PAX3: variants seen among roughly 807,000 people sequenced by gnomAD.
PAX3 encodes the protein paired box 3, also known as paired box protein Pax-3.
In PAX3, 14 loss-of-function variants were observed where a neutral mutation model predicts 51.6. That is an observed-to-expected ratio of 0.27 (90% confidence interval 0.18 to 0.42). PAX3 has a LOEUF of 0.42. Ranked by LOEUF, PAX3 falls within the 10% of genes least tolerant of loss-of-function variation. The pLI, the probability that PAX3 is intolerant of heterozygous loss-of-function variation, is 1.00. For missense variants in PAX3, 540 were observed against 642.8 expected (o/e 0.84, Z 1.73); for synonymous variants, 280 against 253.4 (o/e 1.11, Z -1.00).
intron 4 of PAX3, among the ~76,000 whole-genome samples, chr2:222,236,359 G>C (rs1692797553): frequency 6.6e-6 from 1 of 152,064 alleles, no homozygotes; most frequent in Admixed American, 6.6e-5. Flanking sequence ...CTCCCAAATA[G>C]CTGGGACTAC....
intron 4 of PAX3, chr2:222,264,669 A>AG (rs1328400119): frequency 6.6e-6 from 1 of 152,242 alleles, no homozygotes; most frequent in African/African-American, 2.4e-5. Context: ...CTCCATGCTT[A>AG]GATTACCTCC....
At chr2:222,231,468 A>C (rs1297809616) in intron 5 of PAX3, among the ~76,000 whole-genome samples, 1 of 152,220 alleles carries the variant, frequency 6.6e-6, no homozygotes, top group Non-Finnish European at 1.5e-5. Context: ...ATAATTCAAC[A>C]TGTTCTTTAA....
chr2:222,235,450 C>T (rs78370806), intron 4 of PAX3, among the ~76,000 whole-genome samples: 17,606 of 152,258 alleles, frequency 0.12, 1,185 homozygotes, highest in Middle Eastern at 0.15. Flanking sequence ...CATCTCCCAA[C>T]ATCTATTCAG....
At position 222,298,571 on chromosome 2, in the gene PAX3, G is replaced by C; in HGVS notation, c.45C>G (p.Gly15=). ...AGAVPRMMRP[G]PGQNYPRSGF... Reference sequence around the variant, plus strand: ...CGCTACGCGGGTAGTTCTGCCCCGGGCCCGGCCGCATCATCCTGGGCACAG... The same window carrying C: ...CGCTACGCGGGTAGTTCTGCCCCGGCCCCGGCCGCATCATCCTGGGCACAG... Residue 15 remains glycine (G), a synonymous_variant, in exon 1 of 9, where the codon GGC becomes GGG. Coordinates refer to ENST00000392070, the MANE Select transcript of PAX3 (RefSeq NM_181458.4). 1 of 1,608,172 alleles carries C rather than the reference G, an allele frequency of 6.2e-7. No homozygotes were observed. Among genetic ancestry groups the C allele is most frequent in the South Asian group, 1.1e-5 (1 of 90,046 alleles).
At chr2:222,270,450 T>A (rs778658593) in intron 4 of PAX3, among the ~76,000 whole-genome samples, 4 of 152,220 alleles carry the variant, frequency 2.6e-5, no homozygotes, top group Non-Finnish European at 5.9e-5. Flanking sequence ...TTGCCAATTT[T>A]GCATTCGTGC....
chr2:222,216,139 T>G (rs116192043), intron 7 of PAX3, among the ~76,000 whole-genome samples: 10 of 152,152 alleles, frequency 6.6e-5, no homozygotes, highest in African/African-American at 2.2e-4. Context: ...GGGCAGCCCT[T>G]GGGAAATTTC....
rs71053057 is a variant in PAX3, at chr2:222,203,012, CATATATATATAT to C, written c.1174-834_1174-823del. ...TTATTTCTTCTCTAAACAACCATTT[CATATATATATAT>C]ATATATATATATATATATATATATA... On this transcript the variant is annotated intron_variant, in intron 7 of 8. Transcript: ENST00000392070. Among the ~76,000 whole-genome samples, 155 of 41,188 alleles carry C rather than the reference CATATATATATAT, an allele frequency of 3.8e-3. 1 individual carries two copies. Among genetic ancestry groups the C allele is most frequent in the South Asian group, 0.025 (12 of 478 alleles). The allele number at this position is 41,188 out of a possible 152,430, so 27.0% of individuals were successfully genotyped here.
chr2:222,226,286 C>T (rs1187040513), intron 5 of PAX3, among the ~76,000 whole-genome samples: 1 of 152,150 alleles, frequency 6.6e-6, no homozygotes, highest in Non-Finnish European at 1.5e-5. Flanking sequence ...TGCTCATTTC[C>T]CTGGACCTTC....
chr2:222,237,830 T>C (rs1463463846), intron 4 of PAX3, among the ~76,000 whole-genome samples: 1 of 152,184 alleles, frequency 6.6e-6, no homozygotes, highest in African/African-American at 2.4e-5. Context: ...TTACAATGAA[T>C]GTAATAAAAA....
chr2:222,294,380 C>T, intron 3 of PAX3, 79 bp from the exon 4 acceptor site: 7 of 1,529,910 alleles, frequency 4.6e-6, no homozygotes, highest in Non-Finnish European at 6.3e-6. Context: ...GACCCCCCAC[C>T]CCCAAACACC....
At chr2:222,276,637 A>G (rs921249033) in intron 4 of PAX3, among the ~76,000 whole-genome samples, 1 of 152,220 alleles carries the variant, frequency 6.6e-6, no homozygotes, top group Non-Finnish European at 1.5e-5. Flanking sequence ...GGGGAGAATG[A>G]GGTCCAGAAA....
chr2:222,258,021 C>A (rs1028077991), intron 4 of PAX3, among the ~76,000 whole-genome samples: 2 of 152,158 alleles, frequency 1.3e-5, no homozygotes, highest in African/African-American at 4.8e-5. Flanking sequence ...CAAGAGACAC[C>A]CTTCCATTCT....
intron 4 of PAX3, among the ~76,000 whole-genome samples, chr2:222,233,578 T>C (rs1209706297): frequency 1.3e-5 from 2 of 152,170 alleles, no homozygotes; most frequent in Middle Eastern, 3.4e-3. Flanking sequence ...CAACGCTGGC[T>C]ATAGAGGGTT....
intron 4 of PAX3, among the ~76,000 whole-genome samples, chr2:222,240,298 G>A (rs16863558): frequency 0.23 from 34,742 of 151,958 alleles, 4,348 homozygotes; most frequent in East Asian, 0.54. Context: ...TTGGCGGCAC[G>A]GCAAGCTGCC....
chr2:222,282,928 T>C (rs950449791), intron 4 of PAX3, among the ~76,000 whole-genome samples: 2 of 152,240 alleles, frequency 1.3e-5, no homozygotes, highest in Admixed American at 1.3e-4. Context: ...GATATAGGGA[T>C]AGGAGAAAAC....
chr2:222,219,918 G>T (rs1396537815), intron 7 of PAX3, among the ~76,000 whole-genome samples: 1 of 152,114 alleles, frequency 6.6e-6, no homozygotes, highest in Non-Finnish European at 1.5e-5. Flanking sequence ...AAGTCTCCAA[G>T]ATTATATCAA....
intron 4 of PAX3, among the ~76,000 whole-genome samples, chr2:222,242,045 T>C (rs1693035551): frequency 6.6e-6 from 1 of 152,254 alleles, no homozygotes; most frequent in South Asian, 2.1e-4. Context: ...TCATTGTTTC[T>C]AGCCATTTCA....
At chr2:222,209,317 G>T (rs920837082) in intron 7 of PAX3, among the ~76,000 whole-genome samples, 1 of 152,088 alleles carries the variant, frequency 6.6e-6, no homozygotes, top group African/African-American at 2.4e-5. Context: ...CAGAAAAGAC[G>T]CTTCCTTGCC....
chr2:222,207,961 G>T (rs1187047189), intron 7 of PAX3, among the ~76,000 whole-genome samples: 2 of 150,462 alleles, frequency 1.3e-5, no homozygotes, highest in African/African-American at 4.9e-5. Context: ...TCCCTCTAAA[G>T]TGTGTATATA....
Sources: allele counts gnomAD v4.1 joint callset (sites outside exome capture counted in the v4.1 genomes callset), GRCh38; gene constraint gnomAD v4.1.1; transcripts MANE v1.5; gene names NCBI Gene and HGNC (gene_info 2026-07-23, HGNC 2026-07-21).